Variants in LAMA1 observed in about 807,000 individuals in gnomAD.
LAMA1 encodes laminin subunit alpha-1.
In LAMA1, 219 loss-of-function variants were observed where a neutral mutation model predicts 348.7. The observed-to-expected ratio is 0.63, with a 90% confidence interval of 0.56 to 0.70. The LOEUF (loss-of-function observed/expected upper bound fraction) is 0.70, where lower values mean the gene tolerates loss of function less well. Among genes scored for constraint, LAMA1 ranks in the 30% least tolerant of loss-of-function variants. LAMA1 has a pLI of 0.00. For missense variants in LAMA1, 3,744 were observed against 3,888.0 expected, an observed-to-expected ratio of 0.96 and a Z score of 0.99; for synonymous variants, 1,487 against 1,491.0, an observed-to-expected ratio of 1.00 and a Z score of 0.06.
At chr18:7,114,863 G>A (rs2058349573) in intron 1 of LAMA1, among the ~76,000 whole-genome samples, 1 of 152,138 alleles carries the variant, frequency 6.6e-6, no homozygotes, top group Admixed American at 6.6e-5. Context: ...TTTTATATGA[G>A]TTTATAAAGC....
At chr18:7,013,605 C>T (rs1391577505) in intron 23 of LAMA1, among the ~76,000 whole-genome samples, 1 of 152,154 alleles carries the variant, frequency 6.6e-6, no homozygotes, top group Non-Finnish European at 1.5e-5. Flanking sequence ...TCAGTTCCAT[C>T]AACTGACACT....
At chr18:7,061,174 G>C (rs1448295992) in intron 3 of LAMA1, among the ~76,000 whole-genome samples, 1 of 152,174 alleles carries the variant, frequency 6.6e-6, no homozygotes, top group Admixed American at 6.5e-5. Flanking sequence ...CCCACAAAAA[G>C]TGTTGAACTG....
chr18:7,081,724 C>T (rs535884304), intron 1 of LAMA1, among the ~76,000 whole-genome samples: 76 of 152,204 alleles, frequency 5.0e-4, no homozygotes, highest in Admixed American at 1.5e-3. Context: ...CAATGGTGTA[C>T]GCGATGTTGA....
Position 7,093,802 on chromosome 18 carries a change from T to C in LAMA1, c.62-13345A>G, listed in dbSNP as rs1436141722. Reference sequence around the variant, plus strand: ...TTTTTTTTTTTTTTTTTTCAGACAATCTCTCTCTGTTGCCCAGGCTGGAGT... The same window carrying C: ...TTTTTTTTTTTTTTTTTTCAGACAACCTCTCTCTGTTGCCCAGGCTGGAGT... On this transcript the variant is annotated intron_variant, in intron 1 of 62. Transcript: ENST00000389658. 2.8e-5 allele frequency among the ~76,000 whole-genome samples: 4 copies of C among 142,270 alleles called. No homozygotes were observed. In the East Asian group the frequency reaches 6.7e-4, roughly 24 times the overall value. The allele number at this position is 142,270 out of a possible 152,430, so 93.3% of individuals were successfully genotyped here.
Position 6,977,748 on chromosome 18 carries a change from C to G in LAMA1, c.6324G>C (p.Gln2108His), listed in dbSNP as rs1288996109. The G allele has an allele frequency of 2.5e-6, 4 of 1,614,142 alleles. No homozygotes were observed. Among genetic ancestry groups the G allele is most frequent in the Middle Eastern group, 1.6e-4 (1 of 6,062 alleles). Residue 2108 changes from glutamine to histidine, a missense_variant, in exon 44 of 63, where the codon CAG becomes CAC. Coordinates refer to ENST00000389658, the MANE Select transcript of LAMA1 (RefSeq NM_005559.4). ...NLSEIKLLIS[Q>H]ARKQAASIKV... Reference sequence around the variant, plus strand: ...TCACAGAAGCTGCTTGTTTGCGGGCCTGGCTGATCAACAGTTTAATTTCTG... The same window carrying G: ...TCACAGAAGCTGCTTGTTTGCGGGCGTGGCTGATCAACAGTTTAATTTCTG...
intron 61 of LAMA1, among the ~76,000 whole-genome samples, chr18:6,943,884 G>C (rs2057511254): frequency 6.8e-6 from 1 of 147,646 alleles, no homozygotes; most frequent in African/African-American, 2.5e-5. Context: ...TGTTATACTA[G>C]TCCCCAAATT....
chr18:7,060,938 T>C (rs1425128176), intron 3 of LAMA1, among the ~76,000 whole-genome samples: 1 of 152,132 alleles, frequency 6.6e-6, no homozygotes, highest in African/African-American at 2.4e-5. Context: ...GGCAGACTGC[T>C]TGAGCCCAGA....
chr18:7,084,080 A>C (rs965665343), intron 1 of LAMA1, among the ~76,000 whole-genome samples: 1 of 150,208 alleles, frequency 6.7e-6, no homozygotes, highest in African/African-American at 2.4e-5. Flanking sequence ...CTCAGAAAAA[A>C]AAAAAAAAAA....
At chr18:7,063,699 C>A (rs1003578015) in intron 3 of LAMA1, among the ~76,000 whole-genome samples, 114 of 152,120 alleles carry the variant, frequency 7.5e-4, no homozygotes, top group African/African-American at 2.8e-3. Context: ...ATACATGCTA[C>A]AACATAGATA....
chr18:7,025,900 G>GCT, intron 17 of LAMA1, 79 bp downstream of exon 17: 1 of 1,535,592 alleles, frequency 6.5e-7, no homozygotes. Flanking sequence ...ACACAGTCTT[G>GCT]CTCTGAAGTC....
intron 56 of LAMA1, 145 bp downstream of exon 56, chr18:6,956,491 C>T: frequency 4.3e-6 from 6 of 1,381,778 alleles, no homozygotes; most frequent in Non-Finnish European, 6.1e-6. Flanking sequence ...CCTGTCCCCG[C>T]TCTGATTTTT....
At chr18:7,033,833 C>G (rs2057982410) in intron 14 of LAMA1, among the ~76,000 whole-genome samples, 1 of 151,948 alleles carries the variant, frequency 6.6e-6, no homozygotes, top group African/African-American at 2.4e-5. Flanking sequence ...CTCCTGGGTT[C>G]AAATGATTCT....
intron 9 of LAMA1, among the ~76,000 whole-genome samples, chr18:7,041,557 C>A (rs2058020816): frequency 6.6e-6 from 1 of 152,160 alleles, no homozygotes; most frequent in Non-Finnish European, 1.5e-5. Context: ...ACAGACGCAA[C>A]CTATTCAGGA....
intron 48 of LAMA1, among the ~76,000 whole-genome samples, chr18:6,968,231 C>T (rs368850075): frequency 7.2e-5 from 11 of 152,262 alleles, no homozygotes; most frequent in East Asian, 5.8e-4. Context: ...GGAGAGCGTC[C>T]GCCCTCCCCA....
chr18:7,062,421 C>T (rs1239469038), intron 3 of LAMA1, among the ~76,000 whole-genome samples: 9 of 152,130 alleles, frequency 5.9e-5, no homozygotes, highest in African/African-American at 2.2e-4. Context: ...AGAGAGCCGG[C>T]GGGCGCCTGG....
At chr18:7,099,004 T>C (rs1324016781) in intron 1 of LAMA1, among the ~76,000 whole-genome samples, 3 of 152,030 alleles carry the variant, frequency 2.0e-5, no homozygotes, top group Non-Finnish European at 2.9e-5. Context: ...ATGATGACAA[T>C]GGTGGTTTTG....
Position 6,968,686 on chromosome 18 carries a change from T to C in LAMA1, c.6900-2389A>G, listed in dbSNP as rs116909491. Among the ~76,000 whole-genome samples the C allele has an allele frequency of 8.9e-3, 1,361 of 152,320 alleles. 5 individuals carry two copies. Among genetic ancestry groups the C allele is most frequent in the Non-Finnish European group, 0.015 (1,003 of 68,022 alleles). ...TGATGAGGACTGTTAGAATCAGTGG[T>C]TAATTCTGCAGCATCCTTTGAGAAT... On this transcript the variant is annotated intron_variant, in intron 48 of 62. Coordinates refer to ENST00000389658, the MANE Select transcript of LAMA1 (RefSeq NM_005559.4).
chr18:7,036,010 A>G lies in LAMA1; in HGVS notation c.1816T>C (p.Ser606Pro). ...PVETVDSNLM[S>P]HADVIIKGNG... ...ACCTTAATGATGACGTCAGCATGCG[A>G]CATGAGGTTACTGTCTACCGTCTCT... Residue 606 changes from serine to proline, a missense_variant, in exon 13 of 63, where the codon TCG becomes CCG. Around this residue, in one of 3 missense-constraint regions of LAMA1, gnomAD observed 1,529 missense variants for 1,689.4 expected, o/e 0.91. Coordinates refer to ENST00000389658, the MANE Select transcript of LAMA1 (RefSeq NM_005559.4). 2 of 1,614,138 alleles carry G rather than the reference A, an allele frequency of 1.2e-6. No individual in the cohort carries two copies. The highest frequency in any genetic ancestry group is 1.7e-6 in the Non-Finnish European group (2 of 1,179,932).
In LAMA1 at chr18:7,023,341, G is replaced by A. The variant is rs149208354; in HGVS notation, c.2524C>T (p.Pro842Ser). 1.1e-4 allele frequency: 170 copies of A among 1,614,032 alleles called. No homozygotes were observed. Among genetic ancestry groups the A allele is most frequent in the Non-Finnish European group, 1.4e-4 (163 of 1,180,034 alleles). Residue 842 changes from proline to serine, a missense_variant, in exon 19 of 63, where the codon CCT becomes TCT. Pro to Ser is a moderately conservative substitution (Grantham distance 74, BLOSUM62 -1). Transcript: ENST00000389658. ...ADGYYGNPTV[P>S]GESCVPCDCS... ...TCACAGGGAACACAAGATTCGCCAGGCACTGTTGGGTTTCCATAGTAACCA... is the reference window on the plus strand; with the variant it reads ...TCACAGGGAACACAAGATTCGCCAGACACTGTTGGGTTTCCATAGTAACCA...
Sources: allele counts gnomAD v4.1 joint callset (sites outside exome capture counted in the v4.1 genomes callset), GRCh38; gene constraint gnomAD v4.1.1; regional missense constraint gnomAD v4.1.1; transcripts MANE v1.5; gene names NCBI Gene and HGNC (gene_info 2026-07-23, HGNC 2026-07-21).